TSHZ2: variants seen among roughly 807,000 people sequenced by gnomAD.
The protein encoded by TSHZ2 is teashirt zinc finger homeobox 2.
A neutral mutation model predicts 74.4 loss-of-function variants in TSHZ2; 21 were observed. That is an observed-to-expected ratio of 0.28 (90% confidence interval 0.20 to 0.41). The LOEUF is 0.41. Among genes scored for constraint, TSHZ2 ranks in the 10% least tolerant of loss-of-function variants. The pLI, the probability that TSHZ2 is intolerant of heterozygous loss-of-function variation, is 1.00. For missense variants in TSHZ2, 1,244 were observed against 1,293.5 expected, an observed-to-expected ratio of 0.96 and a Z score of 0.59; for synonymous variants, 540 against 515.3, an observed-to-expected ratio of 1.05 and a Z score of -0.65.
At chr20:53,049,511 G>C (rs1984347334) in intron 1 of TSHZ2, among the ~76,000 whole-genome samples, 1 of 152,122 alleles carries the variant, frequency 6.6e-6, no homozygotes, top group African/African-American at 2.4e-5. Flanking sequence ...GGGAGTCTTA[G>C]TTTATCTTTA....
At position 53,342,931 on chromosome 20, in the gene TSHZ2, A is replaced by ATTTCT. The variant is rs1210110126; in HGVS notation, c.*8+86384_*8+86388dup. On this transcript the variant is annotated intron_variant, in intron 2 of 2. Transcript: ENST00000371497. ...TCTGGGATGAGGCCTAAGAACCCGT[A>ATTTCT]TTTCTTTTCTTTTCTTTTCTTTTCT... Among the ~76,000 whole-genome samples the ATTTCT allele has an allele frequency of 2.2e-3, 112 of 49,922 alleles. 1 individual carries two copies. Among genetic ancestry groups the ATTTCT allele is most frequent in the East Asian group, 7.9e-3 (16 of 2,034 alleles). The allele number at this position is 49,922 out of a possible 152,430, so 32.8% of individuals were successfully genotyped here. A position where few individuals can be genotyped will look rare whatever the true frequency, so the allele number is the denominator to read the frequency against.
In TSHZ2 at chr20:53,087,425, G is replaced by T. The variant is rs541661051; in HGVS notation, c.40+114092G>T. On this transcript the variant is annotated intron_variant, in intron 1 of 2. Coordinates refer to ENST00000371497, the MANE Select transcript of TSHZ2 (RefSeq NM_173485.6). ...ACACATTTTCGATCCTTGGCCCAAA[G>T]TTCTGATGTTTTAGCTCTGACAGTC... is the stretch of plus-strand genomic sequence containing the variant. Among the ~76,000 whole-genome samples, 7 of 152,314 alleles carry T rather than the reference G, an allele frequency of 4.6e-5. No homozygotes were observed. In the South Asian group the frequency reaches 1.4e-3, roughly 32 times the overall value.
At chr20:53,175,111 T>TCTC (rs1040171791) in intron 1 of TSHZ2, among the ~76,000 whole-genome samples, 5 of 149,442 alleles carry the variant, frequency 3.3e-5, no homozygotes, top group African/African-American at 1.2e-4. Flanking sequence ...TTCTTCTCCT[T>TCTC]CTCCTCCTTC....
In TSHZ2 at chr20:53,348,006, C is replaced by T. The variant is rs528572631; in HGVS notation, c.*8+91435C>T. ...TTCCCTCCTCCCAGCCCCTGATAAC[C>T]GCTAATCTGTGTCTACTGATCTGCC... On this transcript the variant is annotated intron_variant, in intron 2 of 2. Transcript: ENST00000371497. 9.9e-5 allele frequency among the ~76,000 whole-genome samples: 15 copies of T among 152,218 alleles called. No homozygotes were observed. In the East Asian group the frequency reaches 1.5e-3, roughly 16 times the overall value.
chr20:53,100,926 T>C (rs1986198256), intron 1 of TSHZ2, among the ~76,000 whole-genome samples: 1 of 152,054 alleles, frequency 6.6e-6, no homozygotes, highest in Non-Finnish European at 1.5e-5. Flanking sequence ...CCCAGTTTTT[T>C]GAGGTTTCTG....
At chr20:53,081,453 A>T (rs1985531138) in intron 1 of TSHZ2, among the ~76,000 whole-genome samples, 1 of 152,216 alleles carries the variant, frequency 6.6e-6, no homozygotes, top group Admixed American at 6.5e-5. Context: ...AACTGCACCC[A>T]GCTGAACCAG....
At chr20:53,108,858 A>G (rs923410320) in intron 1 of TSHZ2, among the ~76,000 whole-genome samples, 3 of 152,188 alleles carry the variant, frequency 2.0e-5, no homozygotes, top group Non-Finnish European at 4.4e-5. Context: ...CTCTACCTTC[A>G]GTGTCCCTGG....
At position 53,123,042 on chromosome 20, in the gene TSHZ2, T is replaced by G. The variant is rs573645409; in HGVS notation, c.41-130457T>G. On this transcript the variant is annotated intron_variant, in intron 1 of 2. Coordinates refer to ENST00000371497, the MANE Select transcript of TSHZ2 (RefSeq NM_173485.6). ...GAAGCACCACCCATAACTACATGAA[T>G]GGGTTGGAGACAAAACACGGATTAA... Among the ~76,000 whole-genome samples, 442 of 152,300 alleles carry G rather than the reference T, an allele frequency of 2.9e-3. 1 individual carries two copies. Among genetic ancestry groups the G allele is most frequent in the African/African-American group, 9.3e-3 (385 of 41,562 alleles).
At chr20:53,274,734 A>T (rs1990907474) in intron 2 of TSHZ2, among the ~76,000 whole-genome samples, 2 of 152,234 alleles carry the variant, frequency 1.3e-5, no homozygotes, top group African/African-American at 4.8e-5. Context: ...TATCTCACGC[A>T]TCACACATGC....
chr20:53,085,453 A>G (rs1435210562), intron 1 of TSHZ2, among the ~76,000 whole-genome samples: 1 of 152,192 alleles, frequency 6.6e-6, no homozygotes, highest in African/African-American at 2.4e-5. Flanking sequence ...AGAATCTGAA[A>G]TATGACCAGG....
chr20:52,978,778 A>G (rs1173274126), intron 1 of TSHZ2, among the ~76,000 whole-genome samples: 1 of 152,090 alleles, frequency 6.6e-6, no homozygotes, highest in Non-Finnish European at 1.5e-5. Context: ...ACGCTTTTAT[A>G]TTTTTATTTC....
intron 1 of TSHZ2, among the ~76,000 whole-genome samples, chr20:53,222,589 G>T (rs1989589106): frequency 6.6e-6 from 1 of 152,174 alleles, no homozygotes; most frequent in Admixed American, 6.5e-5. Flanking sequence ...CTCTCCAAAG[G>T]TTCTGTCACT....
intron 2 of TSHZ2, among the ~76,000 whole-genome samples, chr20:53,440,580 C>A (rs1331028852): frequency 1.3e-5 from 2 of 152,186 alleles, no homozygotes; most frequent in Non-Finnish European, 1.5e-5. Context: ...GTGGGGAAGA[C>A]AGGCCACATT....
At chr20:53,237,378 G>C (rs1306982409) in intron 1 of TSHZ2, among the ~76,000 whole-genome samples, 2 of 152,128 alleles carry the variant, frequency 1.3e-5, no homozygotes, top group Non-Finnish European at 2.9e-5. Context: ...ACCAAAGAAA[G>C]GAGAATATTA....
In TSHZ2 at chr20:53,255,395, C is replaced by A; in HGVS notation, c.1937C>A (p.Thr646Asn). 6.2e-7 allele frequency: 1 copy of A among 1,613,852 alleles called. No homozygotes were observed. Among genetic ancestry groups the A allele is most frequent in the South Asian group, 1.1e-5 (1 of 91,082 alleles). The change falls in exon 2 of 3, where the codon ACC becomes AAC. Residue 646 changes from threonine (T) to asparagine (N), a missense_variant. Physicochemically the swap from Thr to Asn is moderately conservative, Grantham distance 65 (BLOSUM62 0). Around this residue, in one of 6 missense-constraint regions of TSHZ2, gnomAD observed 562 missense variants for 544.0 expected, o/e 1.03. Coordinates refer to ENST00000371497, the MANE Select transcript of TSHZ2 (RefSeq NM_173485.6). The surrounding 1 kb of genome is among the most constrained non-coding windows in gnomAD (Gnocchi z 4.1). Reference sequence around the variant, plus strand: ...GAAACACCTCCAGAAGCCAAAAAGACCGAGCTGGGTCCCCTGAAGGAGGAG... The same window carrying A: ...GAAACACCTCCAGAAGCCAAAAAGAACGAGCTGGGTCCCCTGAAGGAGGAG... ...KSETPPEAKK[T>N]ELGPLKEEEK... is the part of the protein sequence containing the mutation.
At chr20:53,453,385 G>A (rs557023129) in intron 2 of TSHZ2, among the ~76,000 whole-genome samples, 6 of 152,138 alleles carry the variant, frequency 3.9e-5, no homozygotes, top group Non-Finnish European at 8.8e-5. Flanking sequence ...TCAAATATGT[G>A]GTGAAATTGA....
At chr20:52,998,999 CACA>C (rs1982310179) in intron 1 of TSHZ2, among the ~76,000 whole-genome samples, 1 of 152,200 alleles carries the variant, frequency 6.6e-6, no homozygotes, top group Non-Finnish European at 1.5e-5. Flanking sequence ...ACTTAATCCT[CACA>C]ACATTTTATA....
chr20:53,256,692 T>A lies in TSHZ2; in HGVS notation c.*8+121T>A. 7.1e-7 allele frequency: 1 copy of A among 1,405,926 alleles called. No homozygotes were observed. Among genetic ancestry groups the A allele is most frequent in the Non-Finnish European group, 9.3e-7 (1 of 1,072,234 alleles). The allele number at this position is 1,405,926 out of a possible 1,614,324, so 87.1% of individuals were successfully genotyped here. ...CAAGCAGGATAGTAGCTTGCTGGAG[T>A]AGGATTTATTTTAATGAAAGACCAG... On this transcript the variant is annotated intron_variant, in intron 2 of 2. Transcript: ENST00000371497. The surrounding 1 kb of genome is among the most constrained non-coding windows in gnomAD (Gnocchi z 4.3).
chr20:53,374,270 C>T (rs1981581871), intron 2 of TSHZ2, among the ~76,000 whole-genome samples: 1 of 151,940 alleles, frequency 6.6e-6, no homozygotes, highest in South Asian at 2.1e-4. Context: ...TGTTACTTCA[C>T]TTAAGATAAT....
Sources: gnomAD v4.1 joint callset for allele counts (sites outside exome capture counted in the v4.1 genomes callset) on GRCh38, gnomAD v4.1.1 for gene constraint, gnomAD v4.1.1 regional missense constraint, Gnocchi (gnomAD v3.1) non-coding constraint, MANE v1.5 for transcripts, NCBI Gene and HGNC (gene_info 2026-07-23, HGNC 2026-07-21) for gene names.